CHSY3: variants seen among roughly 807,000 people sequenced by gnomAD.
CHSY3 encodes N-acetylgalactosaminyl-proteoglycan 3-beta-glucuronosyltransferase 3.
A neutral mutation model predicts 67.2 loss-of-function variants in CHSY3; 35 were observed. The observed-to-expected ratio is 0.52, with a 90% CI of 0.40 to 0.69. CHSY3 has a LOEUF of 0.69. Among genes scored for constraint, CHSY3 ranks in the 30% least tolerant of loss-of-function variants. CHSY3 has a pLI of 0.00. For missense variants in CHSY3, 1,069 were observed against 1,138.5 expected (o/e 0.94, Z 0.88); for synonymous variants, 474 against 434.7 (o/e 1.09, Z -1.12).
At chr5:129,979,863 G>C (rs180984863) in intron 2 of CHSY3, among the ~76,000 whole-genome samples, 2 of 151,988 alleles carry the variant, frequency 1.3e-5, no homozygotes, top group African/African-American at 4.8e-5. Flanking sequence ...AACCTTTTTC[G>C]CTTGGTTTTA....
In CHSY3 at chr5:130,016,935, A is replaced by C. The variant is rs1051750113; in HGVS notation, c.1086+108575A>C. Among the ~76,000 whole-genome samples, 13 of 152,280 alleles carry C rather than the reference A, an allele frequency of 8.5e-5. No individual in the cohort carries two copies. In the East Asian group the frequency reaches 1.7e-3, roughly 20 times the overall value. The stretch of plus-strand genomic sequence containing the variant: ...GCTAGAGAGAGGATGATCAACCGAC[A>C]CATTAGGAAAATGGGTCTTGATAGG... On this transcript the variant is annotated intron_variant, in intron 2 of 2. Transcript: ENST00000305031.
intron 2 of CHSY3, among the ~76,000 whole-genome samples, chr5:129,929,478 A>G (rs1156617575): frequency 6.6e-6 from 1 of 152,092 alleles, no homozygotes; most frequent in Non-Finnish European, 1.5e-5. Flanking sequence ...ACATGGGCAC[A>G]CACATCACAC....
chr5:129,912,005 G>C (rs978028274), intron 2 of CHSY3, among the ~76,000 whole-genome samples: 11 of 152,174 alleles, frequency 7.2e-5, no homozygotes, highest in African/African-American at 2.6e-4. Context: ...GCAGTGAGCC[G>C]AGATAGCCCA....
At chr5:129,926,084 A>G (rs186889227) in intron 2 of CHSY3, among the ~76,000 whole-genome samples, 39 of 152,130 alleles carry the variant, frequency 2.6e-4, no homozygotes, top group Admixed American at 4.6e-4. Flanking sequence ...CTTGAATGCA[A>G]TATATTCTGT....
rs1760384052 is a variant in CHSY3 at position 129,908,075 on chromosome 5, A to G, written c.803-2A>G. 2 of 1,607,178 alleles carry G rather than the reference A, an allele frequency of 1.2e-6. No individual in the cohort carries two copies. The highest frequency in any genetic ancestry group is 8.5e-7 in the Non-Finnish European group (1 of 1,176,868). On this transcript the variant is annotated splice_acceptor_variant, in intron 1 of 2. Transcript: ENST00000305031. LOFTEE classifies it high-confidence loss of function. ...TAGTAATTGTTGCCTTTCTTTTTGT[A>G]GGTGATAAATTAGAAGAGTTTCTTA... is the stretch of plus-strand genomic sequence containing the variant.
chr5:129,946,635 G>A (rs1316667896), intron 2 of CHSY3, among the ~76,000 whole-genome samples: 3 of 152,158 alleles, frequency 2.0e-5, no homozygotes, highest in Non-Finnish European at 1.5e-5. Flanking sequence ...TGATAACCAC[G>A]TTTCTGCCAT....
intron 2 of CHSY3, among the ~76,000 whole-genome samples, chr5:130,110,712 G>A (rs955773972): frequency 1.3e-5 from 2 of 151,762 alleles, no homozygotes; most frequent in African/African-American, 2.4e-5. Flanking sequence ...TATTAATGAT[G>A]ACATATAATA....
At chr5:130,106,506 T>G (rs2149701441) in intron 2 of CHSY3, among the ~76,000 whole-genome samples, 1 of 151,738 alleles carries the variant, frequency 6.6e-6, no homozygotes, top group Admixed American at 6.6e-5. Flanking sequence ...GCTTTTATTC[T>G]ACTGTAGGGA....
At chr5:130,036,021 A>T (rs540116772) in intron 2 of CHSY3, among the ~76,000 whole-genome samples, 1 of 151,212 alleles carries the variant, frequency 6.6e-6, no homozygotes, top group South Asian at 2.1e-4. Context: ...CCCTTTGTTC[A>T]ATCCTGGGCA....
At chr5:129,987,146 A>C (rs1180827301) in intron 2 of CHSY3, among the ~76,000 whole-genome samples, 1 of 152,186 alleles carries the variant, frequency 6.6e-6, no homozygotes, top group African/African-American at 2.4e-5. Flanking sequence ...GAAAATATTA[A>C]AATAGAGAAC....
intron 2 of CHSY3, among the ~76,000 whole-genome samples, chr5:129,974,348 A>G (rs1422241373): frequency 6.6e-6 from 1 of 152,090 alleles, no homozygotes; most frequent in Non-Finnish European, 1.5e-5. Context: ...ACTTGGTGAT[A>G]CTGCGACCTT....
intron 2 of CHSY3, among the ~76,000 whole-genome samples, chr5:130,083,229 T>C (rs1766500883): frequency 6.6e-6 from 1 of 152,042 alleles, no homozygotes; most frequent in African/African-American, 2.4e-5. Context: ...TCAATTATTT[T>C]ATTTTACATT....
At chr5:129,999,053 A>G (rs960329484) in intron 2 of CHSY3, among the ~76,000 whole-genome samples, 43 of 151,658 alleles carry the variant, frequency 2.8e-4, no homozygotes, top group African/African-American at 1.0e-3. Context: ...GTTTTTAAAA[A>G]TGTTTAAAAC....
intron 2 of CHSY3, among the ~76,000 whole-genome samples, chr5:130,152,856 C>G (rs182375193): frequency 6.6e-6 from 1 of 152,286 alleles, no homozygotes; most frequent in East Asian, 1.9e-4. Flanking sequence ...CTAAGCAGCA[C>G]TAGTTTTATA....
intron 2 of CHSY3, among the ~76,000 whole-genome samples, chr5:130,034,815 G>GTGGA (rs1364980970): frequency 6.6e-6 from 1 of 152,062 alleles, no homozygotes; most frequent in African/African-American, 2.4e-5. Context: ...TAAAAACCCA[G>GTGGA]TGGAGGTCAG....
chr5:129,914,884 C>T (rs915249208), intron 2 of CHSY3, among the ~76,000 whole-genome samples: 21 of 152,058 alleles, frequency 1.4e-4, no homozygotes, highest in African/African-American at 4.1e-4. Flanking sequence ...ACAGGCAATT[C>T]GAAATAAGCT....
chr5:130,180,802 A>G (rs1353003352), intron 2 of CHSY3, among the ~76,000 whole-genome samples: 2 of 152,170 alleles, frequency 1.3e-5, no homozygotes, highest in African/African-American at 4.8e-5. Flanking sequence ...GTGAGCAGAG[A>G]TCAGGCCACT....
At chr5:130,146,451 A>C (rs1561558517) in intron 2 of CHSY3, among the ~76,000 whole-genome samples, 1 of 152,104 alleles carries the variant, frequency 6.6e-6, no homozygotes, top group East Asian at 1.9e-4. Context: ...CAGAGACTGG[A>C]GAGGGAAGGG....
At chr5:129,981,525 T>A (rs968915119) in intron 2 of CHSY3, among the ~76,000 whole-genome samples, 1 of 152,078 alleles carries the variant, frequency 6.6e-6, no homozygotes, top group African/African-American at 2.4e-5. Flanking sequence ...TTATTTTTTA[T>A]ATTTAATTTT....
Sources: gnomAD v4.1 joint callset for allele counts (sites outside exome capture counted in the v4.1 genomes callset) on GRCh38, gnomAD v4.1.1 for gene constraint, MANE v1.5 for transcripts, NCBI Gene and HGNC (gene_info 2026-07-23, HGNC 2026-07-21) for gene names.